The following OBSL1 variants were observed in gnomAD, a reference collection of about 807,000 sequenced individuals.
The protein encoded by OBSL1 is obscurin like cytoskeletal adaptor 1.
In OBSL1, 160 loss-of-function variants were observed where a neutral mutation model predicts 172.0. The observed-to-expected ratio is 0.93, with a 90% CI of 0.82 to 1.06. The LOEUF is 1.06. Among genes scored for constraint, OBSL1 ranks in the 50% least tolerant of loss-of-function variants. OBSL1 has a pLI of 0.00. For synonymous variants in OBSL1, 1,200 were observed against 1,196.3 expected, an observed-to-expected ratio of 1.00 and a Z score of -0.06; for missense variants, 2,681 against 2,715.4, an observed-to-expected ratio of 0.99 and a Z score of 0.28.
chr2:219,571,273 C>CGG lies in OBSL1; in HGVS notation c.-42_-41insCC, dbSNP rs1437293171. 1.9e-5 allele frequency: 16 copies of CGG among 862,516 alleles called. No individual in the cohort carries two copies. Among genetic ancestry groups the CGG allele is most frequent in the South Asian group, 4.4e-5 (1 of 22,624 alleles). 53.4% of individuals were successfully genotyped at this position (862,516 alleles called of 1,614,324 possible). A position where few individuals can be genotyped will look rare whatever the true frequency, so the allele number is the denominator to read the frequency against. Reference sequence around the variant, plus strand: ...CCTGCAGCGGCGAACGGTGGGGGGGCAGGGGGGGGTGCGGAGGGCGAGCCG... The same window carrying CGG: ...CCTGCAGCGGCGAACGGTGGGGGGGCGGAGGGGGGGGTGCGGAGGGCGAGCCG... On this transcript the variant is annotated 5_prime_UTR_variant, in exon 1 of 21. Transcript: ENST00000404537.
At chr2:219,548,957 G>T (rs924334315), downstream of OBSL1, 14 of 613,416 alleles carry the variant, frequency 2.3e-5, no homozygotes, top group Middle Eastern at 2.6e-4. Flanking sequence ...AAAGACCTAT[G>T]GAAGAAAAGA....
downstream of OBSL1, chr2:219,549,795 T>C (rs1559129058): frequency 6.2e-7 from 1 of 1,614,116 alleles, no homozygotes; most frequent in Admixed American, 1.7e-5. Flanking sequence ...AGATGCGGAC[T>C]ATGAGTATGG....
intron 5 of OBSL1, among the ~76,000 whole-genome samples, chr2:219,566,327 C>T (rs867808195): frequency 5.9e-5 from 9 of 151,646 alleles, no homozygotes; most frequent in Non-Finnish European, 8.8e-5. Context: ...TGCAGTGAGC[C>T]GAGATCGCGC....
In OBSL1 at chr2:219,551,807, A is replaced by T; in HGVS notation, c.5414-9T>A. The T allele has an allele frequency of 6.6e-7, 1 of 1,524,410 alleles. No individual in the cohort carries two copies. The highest frequency in any genetic ancestry group is 8.9e-7 in the Non-Finnish European group (1 of 1,119,862). The allele number at this position is 1,524,410 out of a possible 1,614,324, so 94.4% of individuals were successfully genotyped here. A position where few individuals can be genotyped will look rare whatever the true frequency, so the allele number is the denominator to read the frequency against. On this transcript the variant is annotated splice_polypyrimidine_tract_variant and intron_variant, in intron 19 of 20. Coordinates refer to ENST00000404537, the MANE Select transcript of OBSL1 (RefSeq NM_015311.3). ...CATCTGGAGAGGCAATGCTGGGGGT[A>T]GGGGGCGGGGGCTTAAGTTAATAGG...
chr2:219,570,410 G>T lies in OBSL1; in HGVS notation c.823C>A (p.Pro275Thr). ...CCCTCCCAGTGCCATTCGATCTCGG[G>T]CTCGGGCTTGCCCATCACGTAGCAG... is the stretch of plus-strand genomic sequence containing the variant. The part of the protein sequence containing the change: ...FRCYVMGKPE[P>T]EIEWHWEGRP... The change falls in exon 1 of 21, where the codon CCC (proline) becomes ACC (threonine). Residue 275 changes from proline to threonine, a missense_variant. By Grantham distance (38) the Pro-to-Thr change is conservative. Coordinates refer to ENST00000404537, the MANE Select transcript of OBSL1 (RefSeq NM_015311.3). 6.2e-7 allele frequency: 1 copy of T among 1,613,240 alleles called. No homozygotes were observed. Among genetic ancestry groups the T allele is most frequent in the South Asian group, 1.1e-5 (1 of 91,076 alleles).
rs1574532998 is a variant in OBSL1, at chr2:219,556,576, A to G, written c.4214T>C (p.Val1405Ala). The change falls in exon 13 of 21, where the codon GTG becomes GCG. Residue 1405 changes from valine to alanine, a missense_variant. Physicochemically the swap from Val to Ala is moderately conservative, Grantham distance 64. Transcript: ENST00000404537. ...GCTTGAACCATTCTGGGCCATCTCC[A>G]CCTGGGGCCCTGGAGTGACGACGGC... Reference protein sequence around the residue: ...NGAVVTPGPQVEMAQNGSSRI... With the variant: ...NGAVVTPGPQAEMAQNGSSRI... 1 of 1,613,772 alleles carries G rather than the reference A, an allele frequency of 6.2e-7. No individual in the cohort carries two copies.
At chr2:219,563,678 C>A in intron 6 of OBSL1, 51 bp from the exon 7 acceptor site, 2 of 1,568,102 alleles carry the variant, frequency 1.3e-6, no homozygotes, top group Non-Finnish European at 1.7e-6. Flanking sequence ...CACAATGAGT[C>A]CAAACTAGCT....
downstream of OBSL1, chr2:219,549,419 C>G: frequency 6.5e-7 from 1 of 1,543,500 alleles, no homozygotes. Context: ...CCAAACAGGA[C>G]TGGGCTTTCC....
chr2:219,559,198 CCT>C, intron 9 of OBSL1, 25 bp downstream of exon 9: 19 of 1,570,592 alleles, frequency 1.2e-5, no homozygotes, highest in Non-Finnish European at 1.6e-5. Context: ...CTCTCTACCT[CCT>C]CTCTGTGCTG....
In OBSL1 at chr2:219,559,389, C is replaced by T. The variant is rs542422351; in HGVS notation, c.3062G>A (p.Arg1021His). The change falls in exon 9 of 21, where the codon CGC (arginine) becomes CAC (histidine). Residue 1021 changes from arginine to histidine, a missense_variant. Coordinates refer to ENST00000404537, the MANE Select transcript of OBSL1 (RefSeq NM_015311.3). ...CACTTCCAGCCCATCCTTGTACCAGCGCACAGGGGCATCCTCCCGAGACAG... is the reference window on the plus strand; with the variant it reads ...CACTTCCAGCCCATCCTTGTACCAGTGCACAGGGGCATCCTCCCGAGACAG... ...CELSREDAPV[R>H]WYKDGLEVEE... 44 of 1,613,960 alleles carry T rather than the reference C, an allele frequency of 2.7e-5. No homozygotes were observed. The African/African-American group carries it at 3.5e-4, about 13-fold the overall frequency.
chr2:219,568,187 G>C lies in OBSL1; in HGVS notation c.1150C>G (p.Arg384Gly), dbSNP rs369418075. ...CCCTCTTCGATCTGCTCGTACTTGC[G>C]GCAGGGCAGCAGCCGCTGGTCCTCA... ...FREDQRLLPC[R>G]KYEQIEEGTV... Residue 384 changes from arginine to glycine, a missense_variant, in exon 2 of 21, where the codon CGC becomes GGC. Physicochemically the swap from Arg to Gly is moderately radical, Grantham distance 125. This residue lies in a region of OBSL1 where 706 missense variants were observed against 695.8 expected (regional missense o/e 1.01). Coordinates refer to ENST00000404537, the MANE Select transcript of OBSL1 (RefSeq NM_015311.3). The surrounding 1 kb of genome is among the most constrained non-coding windows in gnomAD (Gnocchi z 4.1). The C allele has an allele frequency of 1.2e-6, 2 of 1,612,800 alleles. No homozygotes were observed. Among genetic ancestry groups the C allele is most frequent in the African/African-American group, 1.3e-5 (1 of 74,932 alleles).
chr2:219,554,469 C>T lies in OBSL1; in HGVS notation c.4876+5G>A. 8 of 1,612,394 alleles carry T rather than the reference C, an allele frequency of 5.0e-6. No individual in the cohort carries two copies. The highest frequency in any genetic ancestry group is 6.8e-6 in the Non-Finnish European group (8 of 1,179,318). On this transcript the variant is annotated splice_donor_5th_base_variant and intron_variant, in intron 15 of 20. Coordinates refer to ENST00000404537, the MANE Select transcript of OBSL1 (RefSeq NM_015311.3). ...GCAGGCAGGCTGTGGTCCTGGAGGC[C>T]ACACCTCTCACAATGAGTCTGGCTG...
At chr2:219,560,370 C>G (rs890006106) in intron 8 of OBSL1, among the ~76,000 whole-genome samples, 3 of 152,198 alleles carry the variant, frequency 2.0e-5, no homozygotes, top group African/African-American at 7.2e-5. Flanking sequence ...GAGAGTTCCC[C>G]AGGGGTGCTA....
chr2:219,549,778 C>G, downstream of OBSL1: 1 of 1,614,152 alleles, frequency 6.2e-7, no homozygotes, highest in South Asian at 1.1e-5. Context: ...TTCATGGCCT[C>G]ACCCACAGAT....
At chr2:219,555,196 G>T (rs1193826830) in intron 14 of OBSL1, 2 of 162,808 alleles carry the variant, frequency 1.2e-5, no homozygotes, top group Non-Finnish European at 2.7e-5. Context: ...AATGAAATAA[G>T]TTAGAAGAGA....
Position 219,563,484 on chromosome 2 carries a change from C to A in OBSL1, c.2551G>T (p.Asp851Tyr). ...YKDGQEVEES[D>Y]FVVLENEGPH... ...CCCTCATTCTCCAGCACCACGAAGT[C>A]ACTCTCCTCCACCTCCTGCCCGTCC... The change falls in exon 7 of 21, where the codon GAC becomes TAC. Residue 851 changes from aspartate to tyrosine, a missense_variant. This residue lies in a region of OBSL1 where 1,765 missense variants were observed against 1,748.3 expected (regional missense o/e 1.01). Transcript: ENST00000404537. The A allele has an allele frequency of 1.9e-6, 3 of 1,613,974 alleles. No individual in the cohort carries two copies. Among genetic ancestry groups the A allele is most frequent in the Non-Finnish European group, 2.5e-6 (3 of 1,179,864 alleles).
At chr2:219,570,173 C>T (rs1223189190) in intron 1 of OBSL1, 48 bp downstream of exon 1, 1 of 1,456,024 alleles carries the variant, frequency 6.9e-7, no homozygotes. Flanking sequence ...TTCGGAGGGC[C>T]TCGGAGGACA....
Position 219,570,837 on chromosome 2 carries a change from C to A in OBSL1, c.396G>T (p.Thr132=). ...GSGEGAPVFL[T]GPRSQWVLRG... is the part of the protein sequence containing the mutation. ...GCAGCACCCACTGGGATCGAGGCCC[C>A]GTGAGGAAGACCGGGGCGCCCTCCC... The change falls in exon 1 of 21, where the codon ACG becomes ACT. Residue 132 remains threonine (T), a synonymous_variant. Transcript: ENST00000404537. 1.4e-6 allele frequency: 2 copies of A among 1,454,728 alleles called. No homozygotes were observed. Among genetic ancestry groups the A allele is most frequent in the Non-Finnish European group, 1.8e-6 (2 of 1,106,856 alleles). The allele number at this position is 1,454,728 out of a possible 1,614,324, so 90.1% of individuals were successfully genotyped here.
At position 219,571,362 on chromosome 2, in the gene OBSL1, C is replaced by A; in HGVS notation, c.-130G>T. 2.0e-6 allele frequency: 1 copy of A among 493,832 alleles called. No homozygotes were observed. Among genetic ancestry groups the A allele is most frequent in the South Asian group, 9.6e-5 (1 of 10,444 alleles). The allele number at this position is 493,832 out of a possible 1,614,324, so 30.6% of individuals were successfully genotyped here. On this transcript the variant is annotated 5_prime_UTR_variant, in exon 1 of 21. Transcript: ENST00000404537. ...GGGCGCGGGGACCCGCGGAGCTCTC[C>A]CGGGCCTCCCGCTCCCGGCTCGCCT...
Sources: allele counts gnomAD v4.1 joint callset (sites outside exome capture counted in the v4.1 genomes callset), GRCh38; gene constraint gnomAD v4.1.1; regional missense constraint gnomAD v4.1.1; non-coding constraint Gnocchi (gnomAD v3.1); transcripts MANE v1.5; gene names NCBI Gene and HGNC (gene_info 2026-07-23, HGNC 2026-07-21).